The following UGGT2 variants were observed in gnomAD, a reference collection of about 807,000 sequenced individuals.
UGGT2 encodes the protein UDP-glucose glycoprotein glucosyltransferase 2.
Under a neutral mutation model 192.1 loss-of-function variants are expected in UGGT2, and 180 were observed. That is an observed-to-expected ratio of 0.94 (90% CI 0.83 to 1.06). The LOEUF is 1.06. Among genes scored for constraint, UGGT2 ranks in the 50% least tolerant of loss-of-function variants. The probability of loss-of-function intolerance (pLI) is 0.00; values close to 1 mark genes in which losing one functional copy is unlikely to be tolerated. For missense variants in UGGT2, 1,849 were observed against 1,795.7 expected (o/e 1.03, Z -0.54); for synonymous variants, 580 against 591.0 (o/e 0.98, Z 0.27).
intron 38 of UGGT2, among the ~76,000 whole-genome samples, chr13:95,815,781 AC>A (rs1884817037): frequency 6.6e-6 from 1 of 152,234 alleles, no homozygotes; most frequent in Admixed American, 6.5e-5. Flanking sequence ...AATAAGCACA[AC>A]GATATGGTTT....
chr13:96,048,531 AT>A (rs1374670397), intron 1 of UGGT2, among the ~76,000 whole-genome samples: 1 of 151,904 alleles, frequency 6.6e-6, no homozygotes. Context: ...ATTCAAAAAA[AT>A]ATCAATGAAT....
In UGGT2 at chr13:95,953,541, A is replaced by C. The variant is rs143932967; in HGVS notation, c.1336-4087T>G. ...TAAGATCATATAATGGAAAAGGAGG[A>C]AACTGGTTTAAAGAGATGAAATAAA... On this transcript the variant is annotated intron_variant, in intron 12 of 38. Transcript: ENST00000376747. Among the ~76,000 whole-genome samples the C allele has an allele frequency of 5.6e-4, 86 of 152,344 alleles. 3 individuals carry two copies. The East Asian group carries it at 0.017, about 29-fold the overall frequency.
intron 2 of UGGT2, among the ~76,000 whole-genome samples, chr13:96,024,281 C>T (rs2139124426): frequency 6.6e-6 from 1 of 152,246 alleles, no homozygotes; most frequent in Non-Finnish European, 1.5e-5. Context: ...CTTGAACAAA[C>T]TAACCTGAGC....
At position 95,856,815 on chromosome 13, in the gene UGGT2, A is replaced by C. The variant is rs142006599; in HGVS notation, c.3826-475T>G. The stretch of plus-strand genomic sequence containing the variant: ...AAATTAGATTCTATACAGGAGCTTC[A>C]TGTTTGAGATATATCATTATTTAAT... On this transcript the variant is annotated intron_variant, in intron 33 of 38. Coordinates refer to ENST00000376747, the MANE Select transcript of UGGT2 (RefSeq NM_020121.4). The C allele has an allele frequency of 8.0e-4, 174 of 217,844 alleles. 2 individuals carry two copies. In the East Asian group the frequency reaches 0.02, roughly 25 times the overall value. The allele number at this position is 217,844 out of a possible 1,614,324, so 13.5% of individuals were successfully genotyped here.
At chr13:95,843,498 A>G (rs73556780) in intron 36 of UGGT2, among the ~76,000 whole-genome samples, 3,934 of 151,988 alleles carry the variant, frequency 0.026, 165 homozygotes, top group African/African-American at 0.091. Context: ...ATATTTATCA[A>G]TTTTTTCTTT....
intron 37 of UGGT2, among the ~76,000 whole-genome samples, chr13:95,834,662 G>A (rs1887094197): frequency 1.3e-5 from 2 of 152,036 alleles, no homozygotes; most frequent in South Asian, 4.1e-4. Flanking sequence ...TTTCTATGAG[G>A]GAGACGGGCT....
At chr13:95,893,099 C>G (rs1210431292) in intron 24 of UGGT2, among the ~76,000 whole-genome samples, 1 of 152,096 alleles carries the variant, frequency 6.6e-6, no homozygotes, top group Non-Finnish European at 1.5e-5. Context: ...TCATTTTTCA[C>G]TTTATTCCAG....
Position 95,955,304 on chromosome 13 carries a change from G to A in UGGT2, c.1336-5850C>T, listed in dbSNP as rs559704424. ...ACAGCTGCAAATCATTTTTTTACAA[G>A]TTACGTGCACCTGGTAAATAGGTAG... is the stretch of plus-strand genomic sequence containing the variant. On this transcript the variant is annotated intron_variant, in intron 12 of 38. Transcript: ENST00000376747. Among the ~76,000 whole-genome samples, 6 of 152,264 alleles carry A rather than the reference G, an allele frequency of 3.9e-5. No individual in the cohort carries two copies. The East Asian group carries it at 1.2e-3, about 29-fold the overall frequency.
In UGGT2 at chr13:96,051,429, G is replaced by A. The variant is rs117475321; in HGVS notation, c.158+1726C>T. Reference sequence around the variant, plus strand: ...ACCAACATGGCACATGTATATCTATGTACCTGCACGTTGTGCACATGTACC... The same window carrying A: ...ACCAACATGGCACATGTATATCTATATACCTGCACGTTGTGCACATGTACC... On this transcript the variant is annotated intron_variant, in intron 1 of 38. Coordinates refer to ENST00000376747, the MANE Select transcript of UGGT2 (RefSeq NM_020121.4). Among the ~76,000 whole-genome samples, 294 of 152,214 alleles carry A rather than the reference G, an allele frequency of 1.9e-3. 11 individuals are homozygous for A. In the East Asian group the frequency reaches 0.047, roughly 24 times the overall value.
chr13:96,033,329 G>A (rs1017817317), intron 1 of UGGT2, among the ~76,000 whole-genome samples: 12 of 152,196 alleles, frequency 7.9e-5, no homozygotes, highest in Admixed American at 6.5e-4. Flanking sequence ...CCAGGGTTGT[G>A]TACTCCACGG....
intron 29 of UGGT2, among the ~76,000 whole-genome samples, chr13:95,875,595 A>G (rs1447543139): frequency 6.6e-6 from 1 of 152,184 alleles, no homozygotes; most frequent in Non-Finnish European, 1.5e-5. Flanking sequence ...TAGATGGGAG[A>G]TGTGCATGTC....
chr13:95,879,698 A>G (rs896743333), intron 27 of UGGT2, among the ~76,000 whole-genome samples: 1 of 152,172 alleles, frequency 6.6e-6, no homozygotes, highest in Non-Finnish European at 1.5e-5. Flanking sequence ...TGGCCTCCCA[A>G]AGTGCTTAGA....
intron 20 of UGGT2, among the ~76,000 whole-genome samples, chr13:95,923,478 C>T (rs1447123537): frequency 6.6e-6 from 1 of 151,346 alleles, no homozygotes; most frequent in Non-Finnish European, 1.5e-5. Context: ...AAGGGATTCT[C>T]CTGCCTCAGC....
At position 95,853,670 on chromosome 13, in the gene UGGT2, A is replaced by G; in HGVS notation, c.4170-13T>C. 2.6e-6 allele frequency: 4 copies of G among 1,526,744 alleles called. No homozygotes were observed. The highest frequency in any genetic ancestry group is 3.5e-6 in the Non-Finnish European group (4 of 1,141,430). 94.6% of individuals were successfully genotyped at this position (1,526,744 alleles called of 1,614,324 possible). A position where few individuals can be genotyped will look rare whatever the true frequency, so the allele number is the denominator to read the frequency against. ...TACATATAAAGCACTGCAAAAATGA[A>G]TTACTTCTTGATAGCCTATGTTGTT... On this transcript the variant is annotated splice_polypyrimidine_tract_variant and intron_variant, in intron 35 of 38. Transcript: ENST00000376747.
intron 2 of UGGT2, 75 bp downstream of exon 2, chr13:96,031,814 A>C: frequency 2.6e-6 from 3 of 1,146,726 alleles, no homozygotes; most frequent in Non-Finnish European, 3.7e-6. Context: ...AACCATTACC[A>C]TTAAAAAATA....
At chr13:96,051,249 T>G (rs984733650) in intron 1 of UGGT2, among the ~76,000 whole-genome samples, 1 of 152,016 alleles carries the variant, frequency 6.6e-6, no homozygotes, top group Non-Finnish European at 1.5e-5. Context: ...ACCAAACACC[T>G]CATGTTCTCA....
chr13:95,894,732 A>G, intron 23 of UGGT2, 75 bp from the exon 24 acceptor site: 3 of 1,270,152 alleles, frequency 2.4e-6, no homozygotes, highest in Non-Finnish European at 3.4e-6. Context: ...TAATGCTTCA[A>G]GAAAGGTTTT....
intron 36 of UGGT2, among the ~76,000 whole-genome samples, chr13:95,844,221 C>T (rs1436555808): frequency 6.6e-6 from 1 of 152,220 alleles, no homozygotes; most frequent in Non-Finnish European, 1.5e-5. Context: ...CTCGGCCTCC[C>T]AAAGTGCTGG....
chr13:95,887,016 C>T (rs1333969481), intron 26 of UGGT2, among the ~76,000 whole-genome samples: 3 of 151,934 alleles, frequency 2.0e-5, no homozygotes, highest in Non-Finnish European at 4.4e-5. Context: ...GATGGTGCCC[C>T]AGCCTGGACA....
Sources: gnomAD v4.1 joint callset for allele counts (sites outside exome capture counted in the v4.1 genomes callset) on GRCh38, gnomAD v4.1.1 for gene constraint, MANE v1.5 for transcripts, NCBI Gene and HGNC (gene_info 2026-07-23, HGNC 2026-07-21) for gene names.